The following RIN2 variants were observed in gnomAD, a reference collection of about 807,000 sequenced individuals.
RIN2 encodes RAB5 interacting protein 2.
RIN2 carries 36 observed loss-of-function variants against 78.0 expected under a neutral mutation model. The observed-to-expected ratio is 0.46, with a 90% CI of 0.35 to 0.61. RIN2 has a LOEUF of 0.61. RIN2 is among the 20% of genes least tolerant of loss of function. RIN2 has a pLI of 0.00. For synonymous variants in RIN2, 466 were observed against 466.8 expected (o/e 1.00, Z 0.02); for missense variants, 1,087 against 1,159.7 (o/e 0.94, Z 0.91).
intron 4 of RIN2, among the ~76,000 whole-genome samples, chr20:19,936,154 C>A (rs889065374): frequency 6.6e-6 from 1 of 152,188 alleles, no homozygotes; most frequent in African/African-American, 2.4e-5. Flanking sequence ...TACTTTGATA[C>A]CCGATGTCTC....
chr20:19,897,978 T>C (rs889827730), intron 3 of RIN2, among the ~76,000 whole-genome samples: 1 of 152,236 alleles, frequency 6.6e-6, no homozygotes, highest in Non-Finnish European at 1.5e-5. Context: ...CCTCCCAAAG[T>C]GCTGGGATTA....
chr20:19,926,282 C>T (rs1057471092), intron 3 of RIN2, among the ~76,000 whole-genome samples: 37 of 151,912 alleles, frequency 2.4e-4, no homozygotes, highest in African/African-American at 8.5e-4. Context: ...TTTGTAATTA[C>T]AATTAAATAT....
chr20:19,793,435 A>G (rs1471689856), intron 1 of RIN2, among the ~76,000 whole-genome samples: 1 of 152,148 alleles, frequency 6.6e-6, no homozygotes, highest in Non-Finnish European at 1.5e-5. Flanking sequence ...TTTTCCTTGA[A>G]TGTTAGTCTT....
At chr20:19,921,847 C>A (rs907824220) in intron 3 of RIN2, among the ~76,000 whole-genome samples, 3 of 115,924 alleles carry the variant, frequency 2.6e-5, no homozygotes, top group Non-Finnish European at 5.4e-5. Flanking sequence ...TTGGATCTGT[C>A]GGTTGTTTGT....
At chr20:19,892,652 C>T (rs1486258908) in intron 3 of RIN2, among the ~76,000 whole-genome samples, 2 of 152,244 alleles carry the variant, frequency 1.3e-5, no homozygotes, top group African/African-American at 4.8e-5. Flanking sequence ...GCTGGGATTA[C>T]AGGCGTGAGC....
At chr20:19,880,498 C>T (rs918460522) in intron 2 of RIN2, among the ~76,000 whole-genome samples, 1 of 144,702 alleles carries the variant, frequency 6.9e-6, no homozygotes, top group Admixed American at 7.3e-5. Flanking sequence ...CAGGCTCAAG[C>T]GATTCTTCCA....
chr20:19,812,708 G>A (rs909444355), intron 2 of RIN2, among the ~76,000 whole-genome samples: 1 of 152,170 alleles, frequency 6.6e-6, no homozygotes, highest in African/African-American at 2.4e-5. Flanking sequence ...CTTGGGAATT[G>A]TTTCATAGCG....
chr20:19,815,299 G>C (rs187586219), intron 2 of RIN2, among the ~76,000 whole-genome samples: 1 of 152,176 alleles, frequency 6.6e-6, no homozygotes, highest in Non-Finnish European at 1.5e-5. Flanking sequence ...GCTTACAAAG[G>C]TAAAGTAATT....
chr20:19,811,684 T>C lies in RIN2; in HGVS notation c.-37+11937T>C, dbSNP rs529289444. On this transcript the variant is annotated intron_variant, in intron 2 of 12. Transcript: ENST00000255006. ...TGGAGAAATGAGATCTTTTCGTTCA[T>C]GGCTATTTGAGTTACTTAAATTTGG... Among the ~76,000 whole-genome samples, 5 of 152,314 alleles carry C rather than the reference T, an allele frequency of 3.3e-5. No homozygotes were observed. The East Asian group carries it at 9.6e-4, about 29-fold the overall frequency.
chr20:19,897,103 T>C (rs2038766204), intron 3 of RIN2, among the ~76,000 whole-genome samples: 5 of 152,050 alleles, frequency 3.3e-5, no homozygotes, highest in Admixed American at 2.6e-4. Context: ...CCAGCTACAT[T>C]TTGTTGTTGT....
chr20:19,782,079 C>T (rs2034528115), intron 1 of RIN2, among the ~76,000 whole-genome samples: 1 of 152,112 alleles, frequency 6.6e-6, no homozygotes, highest in Non-Finnish European at 1.5e-5. Flanking sequence ...TGGGCTTGCA[C>T]ATGACCAGGG....
chr20:19,812,956 G>A (rs190783868), intron 2 of RIN2, among the ~76,000 whole-genome samples: 1 of 152,176 alleles, frequency 6.6e-6, no homozygotes. Flanking sequence ...GTCCCTTTGG[G>A]TCTGATCAAG....
intron 1 of RIN2, among the ~76,000 whole-genome samples, chr20:19,794,848 G>T (rs1292276984): frequency 6.6e-6 from 1 of 152,042 alleles, no homozygotes; most frequent in East Asian, 1.9e-4. Context: ...GTTAATTCAT[G>T]AATAATTCTG....
In RIN2 at chr20:19,890,679, C is replaced by CAAAAAAAA. The variant is rs534202183; in HGVS notation, c.57+1038_57+1045dup. On this transcript the variant is annotated intron_variant, in intron 3 of 12. Transcript: ENST00000255006. The stretch of plus-strand genomic sequence containing the variant: ...TATATTGTGTCAACTGTTGACTCTA[C>CAAAAAAAA]AAAAAAAAAAAAAAAAAAAAAAAAC... Among the ~76,000 whole-genome samples the CAAAAAAAA allele has an allele frequency of 7.9e-3, 506 of 64,366 alleles. 58 individuals carry two copies. Among genetic ancestry groups the CAAAAAAAA allele is most frequent in the African/African-American group, 0.024 (412 of 17,402 alleles). The allele number at this position is 64,366 out of a possible 152,430, so 42.2% of individuals were successfully genotyped here. A position where few individuals can be genotyped will look rare whatever the true frequency, so the allele number is the denominator to read the frequency against.
At chr20:19,758,543 A>G (rs1385932278) in intron 1 of RIN2, among the ~76,000 whole-genome samples, 2 of 152,084 alleles carry the variant, frequency 1.3e-5, no homozygotes, top group Admixed American at 1.3e-4. Flanking sequence ...GGGAGTGGGG[A>G]CAAGGGGCAG....
rs182333758 is a variant in RIN2, at chr20:19,803,372, T to C, written c.-37+3625T>C. 1.6e-3 allele frequency among the ~76,000 whole-genome samples: 250 copies of C among 152,278 alleles called. 1 individual carries two copies. Among genetic ancestry groups the C allele is most frequent in the African/African-American group, 5.7e-3 (238 of 41,560 alleles). On this transcript the variant is annotated intron_variant, in intron 2 of 12. Transcript: ENST00000255006. ...CAAGGCTACAGTAACCAAAACAGCA[T>C]GATACTGGTACAAAAACAGACACAT...
chr20:19,952,929 T>C (rs2041379463), intron 4 of RIN2, among the ~76,000 whole-genome samples: 1 of 152,190 alleles, frequency 6.6e-6, no homozygotes, highest in African/African-American at 2.4e-5. Context: ...AAATGTTCCT[T>C]ACAGTGTTGT....
chr20:19,875,032 T>C (rs1466184274), intron 2 of RIN2, among the ~76,000 whole-genome samples: 1 of 151,864 alleles, frequency 6.6e-6, no homozygotes, highest in Non-Finnish European at 1.5e-5. Context: ...AGCTAAGTTT[T>C]GTATTTTTAG....
intron 2 of RIN2, among the ~76,000 whole-genome samples, chr20:19,878,789 T>G (rs1319320467): frequency 2.0e-5 from 3 of 152,192 alleles, no homozygotes; most frequent in Non-Finnish European, 4.4e-5. Context: ...CGTGCTTTAC[T>G]GTTTTCCATA....
Sources: allele counts gnomAD v4.1 joint callset (sites outside exome capture counted in the v4.1 genomes callset), GRCh38; gene constraint gnomAD v4.1.1; transcripts MANE v1.5; gene names NCBI Gene and HGNC (gene_info 2026-07-23, HGNC 2026-07-21).